The following LAMA2 variants were observed in gnomAD, a reference collection of about 807,000 sequenced individuals.
LAMA2 encodes the protein laminin subunit alpha 2, also known as laminin subunit alpha-2.
LAMA2 carries 269 observed loss-of-function variants against 364.8 expected under a neutral mutation model. The observed-to-expected ratio is 0.74, with a 90% confidence interval of 0.67 to 0.82. The LOEUF (loss-of-function observed/expected upper bound fraction) is 0.82. Among genes scored for constraint, LAMA2 ranks in the 40% least tolerant of loss-of-function variants. The pLI, the probability that LAMA2 is intolerant of heterozygous loss-of-function variation, is 0.00. For missense variants in LAMA2, 3,807 were observed against 3,873.2 expected (o/e 0.98, Z 0.45); for synonymous variants, 1,379 against 1,370.6 (o/e 1.01, Z -0.14).
chr6:129,301,682 A>G (rs1174399895), intron 22 of LAMA2, among the ~76,000 whole-genome samples: 5 of 152,112 alleles, frequency 3.3e-5, no homozygotes, highest in Non-Finnish European at 7.4e-5. Flanking sequence ...ATCACTTTGC[A>G]TTTTTATCAG....
intron 7 of LAMA2, among the ~76,000 whole-genome samples, chr6:129,151,687 G>C (rs1215786867): frequency 6.6e-6 from 1 of 152,160 alleles, no homozygotes; most frequent in Non-Finnish European, 1.5e-5. Context: ...ACAGGAGAGA[G>C]AGGAGAAAGT....
intron 12 of LAMA2, among the ~76,000 whole-genome samples, chr6:129,215,662 A>C (rs2115081783): frequency 6.6e-6 from 1 of 152,220 alleles, no homozygotes; most frequent in East Asian, 1.9e-4. Flanking sequence ...TAGCTGTGAG[A>C]TCTTACAGAG....
chr6:129,456,427 G>A lies in LAMA2; in HGVS notation c.6800G>A (p.Gly2267Glu). Residue 2267 changes from glycine (G) to glutamate (E), a missense_variant, in exon 48 of 65, where the codon GGG (glycine) becomes GAG (glutamate). Physicochemically the swap from Gly to Glu is moderately conservative, Grantham distance 98 (BLOSUM62 -2). Coordinates refer to ENST00000421865, the MANE Select transcript of LAMA2 (RefSeq NM_000426.4). ...PSTHHSTSPP[G>E]YTILDVDANA... ...ACACACCATTCGACGTCTCCTCCAG[G>A]GTACACGATTCTAGATGTGGATGCA... 6.2e-7 allele frequency: 1 copy of A among 1,613,580 alleles called. No homozygotes were observed. The highest frequency in any genetic ancestry group is 8.5e-7 in the Non-Finnish European group (1 of 1,179,638).
chr6:129,174,960 G>A (rs1175826087), intron 9 of LAMA2, among the ~76,000 whole-genome samples: 1 of 152,136 alleles, frequency 6.6e-6, no homozygotes, highest in Admixed American at 6.6e-5. Context: ...AGTTAAGATA[G>A]ACATTGTTTA....
intron 8 of LAMA2, among the ~76,000 whole-genome samples, chr6:129,156,646 C>T (rs1779133724): frequency 1.3e-5 from 2 of 151,760 alleles, no homozygotes; most frequent in African/African-American, 4.8e-5. Flanking sequence ...AGTGCTTTCT[C>T]TGTAAGCATG....
chr6:129,402,626 G>A (rs1780046377), intron 39 of LAMA2, 139 bp downstream of exon 39: 2 of 869,330 alleles, frequency 2.3e-6, no homozygotes, highest in Middle Eastern at 2.6e-4. Context: ...CCTTTCTGTG[G>A]ATAGGCTTAA....
At chr6:128,894,380 G>A (rs1776640719) in intron 1 of LAMA2, among the ~76,000 whole-genome samples, 1 of 152,020 alleles carries the variant, frequency 6.6e-6, no homozygotes, top group South Asian at 2.1e-4. Context: ...ATCTCACAAT[G>A]GTAGAGACAA....
chr6:129,149,420 T>G (rs1375804982), intron 7 of LAMA2, among the ~76,000 whole-genome samples: 1 of 152,164 alleles, frequency 6.6e-6, no homozygotes, highest in Non-Finnish European at 1.5e-5. Context: ...TAAACTAGTA[T>G]GAAGTCCAAT....
intron 64 of LAMA2, 67 bp from the exon 65 acceptor site, chr6:129,516,123 G>GAAAC (rs1163836237): frequency 6.5e-7 from 1 of 1,549,472 alleles, no homozygotes; most frequent in African/African-American, 1.4e-5. Context: ...AGTTGACTTT[G>GAAAC]AAACATGCTC....
Position 129,403,961 on chromosome 6 carries a change from TAAG to T in LAMA2, c.5865+5_5865+7del, listed in dbSNP as rs1456891299. The T allele has an allele frequency of 6.2e-7, 1 of 1,613,830 alleles. No homozygotes were observed. Among genetic ancestry groups the T allele is most frequent in the Non-Finnish European group, 8.5e-7 (1 of 1,179,822 alleles). On this transcript the variant is annotated splice_donor_5th_base_variant and intron_variant, in intron 40 of 64. Transcript: ENST00000421865. ...CTTGCACATGAAGCTACAAAACTGG[TAAG>T]AAACAAATGGCACATGTGCTGGGAA...
chr6:129,149,848 T>A (rs1007431427), intron 7 of LAMA2, among the ~76,000 whole-genome samples: 1 of 152,132 alleles, frequency 6.6e-6, no homozygotes, highest in Non-Finnish European at 1.5e-5. Context: ...TACATTTTGT[T>A]AGGTATTATA....
chr6:128,953,769 C>A lies in LAMA2; in HGVS notation c.112+70412C>A, dbSNP rs144939510. On this transcript the variant is annotated intron_variant, in intron 1 of 64. Transcript: ENST00000421865. ...GTTCTCTTCCAAACTGATAAAAGGACAATTTTTGGTGTGCGGTTTAAAAGA... is the reference window on the plus strand; with the variant it reads ...GTTCTCTTCCAAACTGATAAAAGGAAAATTTTTGGTGTGCGGTTTAAAAGA... 6.0e-4 allele frequency among the ~76,000 whole-genome samples: 91 copies of A among 152,120 alleles called. 2 individuals carry two copies. The highest frequency in any genetic ancestry group is 2.1e-3 in the African/African-American group (89 of 41,512).
chr6:129,400,083 C>G (rs1382170465), intron 37 of LAMA2, among the ~76,000 whole-genome samples: 2 of 152,212 alleles, frequency 1.3e-5, no homozygotes, highest in African/African-American at 4.8e-5. Flanking sequence ...AAAGTATTGG[C>G]AGATTTGGTG....
intron 35 of LAMA2, among the ~76,000 whole-genome samples, chr6:129,383,614 A>G (rs1188750820): frequency 6.6e-6 from 1 of 152,220 alleles, no homozygotes; most frequent in African/African-American, 2.4e-5. Context: ...GCAGCACTTT[A>G]GTTTCTCCAA....
At chr6:129,024,207 A>G (rs1785645108) in intron 1 of LAMA2, among the ~76,000 whole-genome samples, 1 of 152,098 alleles carries the variant, frequency 6.6e-6, no homozygotes, top group African/African-American at 2.4e-5. Context: ...CTTATCGAGT[A>G]TTGTGTTATA....
intron 1 of LAMA2, among the ~76,000 whole-genome samples, chr6:128,900,140 G>T (rs563393657): frequency 1.3e-5 from 2 of 152,282 alleles, no homozygotes; most frequent in African/African-American, 4.8e-5. Flanking sequence ...ATGGTCTCTT[G>T]CTTGAAGTTA....
intron 1 of LAMA2, among the ~76,000 whole-genome samples, chr6:129,038,782 T>C (rs558394207): frequency 3.7e-4 from 56 of 152,290 alleles, no homozygotes; most frequent in African/African-American, 1.2e-3. Context: ...GGTAGGACAC[T>C]GCATACCCTC....
intron 20 of LAMA2, chr6:129,292,982 G>T (rs1323285081): frequency 1.0e-6 from 1 of 985,750 alleles, no homozygotes; most frequent in Non-Finnish European, 1.2e-6. Context: ...CGCGGAGAGC[G>T]CAACGGGTGC....
intron 34 of LAMA2, among the ~76,000 whole-genome samples, chr6:129,375,031 T>C (rs913017255): frequency 1.2e-4 from 19 of 152,256 alleles, no homozygotes; most frequent in Admixed American, 6.5e-4. Flanking sequence ...AGGGCTTTTA[T>C]ATTTTATACT....
Sources: gnomAD v4.1 joint callset for allele counts (sites outside exome capture counted in the v4.1 genomes callset) on GRCh38, gnomAD v4.1.1 for gene constraint, MANE v1.5 for transcripts, NCBI Gene and HGNC (gene_info 2026-07-23, HGNC 2026-07-21) for gene names.